Variants in CDH10 observed in about 807,000 individuals in gnomAD.
The protein encoded by CDH10 is cadherin 10.
In CDH10, 30 loss-of-function variants were observed where a neutral mutation model predicts 73.1. The ratio of observed to expected loss-of-function variants is 0.41; its 90% CI spans 0.31 to 0.56. The LOEUF is 0.56. Ranked by LOEUF, CDH10 falls within the 20% of genes least tolerant of loss-of-function variation. The pLI, the probability that CDH10 is intolerant of heterozygous loss-of-function variation, is 0.27. For missense variants in CDH10, 815 were observed against 973.7 expected (o/e 0.84, Z 2.17); for synonymous variants, 345 against 348.2 (o/e 0.99, Z 0.10).
chr5:24,606,697 C>T (rs536069372), intron 1 of CDH10, among the ~76,000 whole-genome samples: 8 of 152,150 alleles, frequency 5.3e-5, no homozygotes, highest in South Asian at 2.1e-4. Context: ...TTACCTTCAT[C>T]GTATTTTTGT....
chr5:24,607,990 T>C (rs534765446), intron 1 of CDH10, among the ~76,000 whole-genome samples: 6 of 152,290 alleles, frequency 3.9e-5, no homozygotes, highest in South Asian at 4.1e-4. Flanking sequence ...TTCCTGACAA[T>C]GTTCAAATCC....
At position 24,502,081 on chromosome 5, in the gene CDH10, G is replaced by A. The variant is rs540776981; in HGVS notation, c.1393+3031C>T. ...ACTACAGGTGCCCGCCACTACGTCC[G>A]GCTCATTTTTTTGTATTTTTTTAGT... On this transcript the variant is annotated intron_variant, in intron 8 of 11. Transcript: ENST00000264463. Among the ~76,000 whole-genome samples the A allele has an allele frequency of 1.7e-3, 227 of 131,446 alleles. 1 individual carries two copies. The highest frequency in any genetic ancestry group is 5.1e-3 in the African/African-American group (208 of 40,940). The allele number at this position is 131,446 out of a possible 152,430, so 86.2% of individuals were successfully genotyped here.
At chr5:24,534,761 A>G (rs2111873896) in intron 5 of CDH10, among the ~76,000 whole-genome samples, 1 of 152,266 alleles carries the variant, frequency 6.6e-6, no homozygotes, top group African/African-American at 2.4e-5. Flanking sequence ...AGAAACAAAC[A>G]TATTTATTGT....
intron 11 of CDH10, among the ~76,000 whole-genome samples, chr5:24,490,519 T>C (rs987871035): frequency 1.3e-5 from 2 of 152,114 alleles, no homozygotes; most frequent in Non-Finnish European, 2.9e-5. Flanking sequence ...TAATGATTTA[T>C]CTACCATAAG....
intron 8 of CDH10, chr5:24,499,506 T>G (rs954608980): frequency 2.6e-5 from 4 of 152,282 alleles, no homozygotes; most frequent in Non-Finnish European, 5.9e-5. Context: ...GCCAACATGG[T>G]GAAACCCTAT....
intron 1 of CDH10, among the ~76,000 whole-genome samples, chr5:24,626,275 T>C (rs1308112864): frequency 6.6e-6 from 1 of 151,992 alleles, no homozygotes; most frequent in Non-Finnish European, 1.5e-5. Flanking sequence ...GATTCATTTT[T>C]TCTCTATATG....
At position 24,593,404 on chromosome 5, in the gene CDH10, C is replaced by A. The variant is rs775375941; in HGVS notation, c.87G>T (p.Thr29=). Residue 29 remains threonine, a synonymous_variant, in exon 2 of 12, where the codon ACG becomes ACT. Transcript: ENST00000264463. Reference sequence around the variant, plus strand: ...TTAAAATTCTTTGCTGTGGCACAGGCGTCCTTCTGAACATTATTTCTGGAG... The same window carrying A: ...TTAAAATTCTTTGCTGTGGCACAGGAGTCCTTCTGAACATTATTTCTGGAG... The part of the protein sequence containing the change: ...FCSPEIMFRR[T]PVPQQRILSS... 3 of 1,612,274 alleles carry A rather than the reference C, an allele frequency of 1.9e-6. No individual in the cohort carries two copies. Among genetic ancestry groups the A allele is most frequent in the Non-Finnish European group, 2.5e-6 (3 of 1,178,524 alleles).
At chr5:24,517,397 T>A (rs1006741194) in intron 5 of CDH10, among the ~76,000 whole-genome samples, 1 of 152,140 alleles carries the variant, frequency 6.6e-6, no homozygotes, top group Non-Finnish European at 1.5e-5. Flanking sequence ...GTCTGAAGAA[T>A]TGAAGGGAAA....
rs1375193930 is a variant in CDH10 at position 24,572,998 on chromosome 5, AT to A, written c.231+20261del. Among the ~76,000 whole-genome samples, 24 of 151,326 alleles carry A rather than the reference AT, an allele frequency of 1.6e-4. 1 individual carries two copies. The highest frequency in any genetic ancestry group is 1.8e-4 in the Non-Finnish European group (12 of 67,826). The stretch of plus-strand genomic sequence containing the variant: ...CAGAACAAAAAGACGTACACAAAAA[AT>A]AAAAAATAAAGATCACCAGAAAATA... On this transcript the variant is annotated intron_variant, in intron 2 of 11. Coordinates refer to ENST00000264463, the MANE Select transcript of CDH10 (RefSeq NM_006727.5).
intron 2 of CDH10, among the ~76,000 whole-genome samples, chr5:24,561,557 A>G (rs1167892423): frequency 2.0e-5 from 3 of 152,126 alleles, no homozygotes; most frequent in Non-Finnish European, 4.4e-5. Context: ...CCCTCCCTGT[A>G]GTAATTCTAC....
chr5:24,571,218 T>C (rs1230747136), intron 2 of CDH10, among the ~76,000 whole-genome samples: 2 of 152,134 alleles, frequency 1.3e-5, no homozygotes, highest in Non-Finnish European at 2.9e-5. Context: ...TTCATATGCT[T>C]CAGTGTATTT....
At chr5:24,515,935 C>A (rs1179125108) in intron 5 of CDH10, among the ~76,000 whole-genome samples, 3 of 152,058 alleles carry the variant, frequency 2.0e-5, no homozygotes. Flanking sequence ...CGCCTGCAGC[C>A]ATGTAAGATG....
chr5:24,511,263 G>A, intron 6 of CDH10, 64 bp downstream of exon 6: 1 of 937,522 alleles, frequency 1.1e-6, no homozygotes, highest in Non-Finnish European at 1.7e-6. Context: ...CATGAGCGAA[G>A]AGTATATAAT....
At chr5:24,640,938 G>T (rs1232022970) in intron 1 of CDH10, among the ~76,000 whole-genome samples, 2 of 151,866 alleles carry the variant, frequency 1.3e-5, no homozygotes, top group Admixed American at 6.6e-5. Context: ...ATTGATAAGA[G>T]AGTTAAGCAA....
chr5:24,606,766 T>C (rs1458825491), intron 1 of CDH10, among the ~76,000 whole-genome samples: 2 of 152,226 alleles, frequency 1.3e-5, no homozygotes, highest in East Asian at 3.8e-4. Context: ...TGTAATTTTA[T>C]GAATTACACA....
intron 1 of CDH10, among the ~76,000 whole-genome samples, chr5:24,623,403 T>A (rs966506538): frequency 6.6e-6 from 1 of 152,176 alleles, no homozygotes; most frequent in African/African-American, 2.4e-5. Context: ...CAGGCCAAAA[T>A]GTGTAAACCG....
At chr5:24,633,255 T>A (rs1444017619) in intron 1 of CDH10, among the ~76,000 whole-genome samples, 1 of 151,806 alleles carries the variant, frequency 6.6e-6, no homozygotes, top group African/African-American at 2.4e-5. Context: ...CTAGTAAAAT[T>A]ACAAGCAGTA....
At position 24,525,196 on chromosome 5, in the gene CDH10, C is replaced by G. The variant is rs1320643373; in HGVS notation, c.814+9916G>C. 1.3e-5 allele frequency among the ~76,000 whole-genome samples: 2 copies of G among 151,980 alleles called. 1 individual carries two copies. Among genetic ancestry groups the G allele is most frequent in the Non-Finnish European group, 2.9e-5 (2 of 67,950 alleles). On this transcript the variant is annotated intron_variant, in intron 5 of 11. Transcript: ENST00000264463. ...TCTAGGTTTTGAGTTTAGCGACAAACAGCTGCTGTTTCTTTTTGTTGATAA... is the reference window on the plus strand; with the variant it reads ...TCTAGGTTTTGAGTTTAGCGACAAAGAGCTGCTGTTTCTTTTTGTTGATAA...
intron 1 of CDH10, among the ~76,000 whole-genome samples, chr5:24,635,738 T>C (rs993690353): frequency 6.6e-5 from 10 of 152,004 alleles, no homozygotes; most frequent in African/African-American, 2.2e-4. Context: ...AGAGAATGAA[T>C]ATATTTATAA....
Sources: gnomAD v4.1 joint callset for allele counts (sites outside exome capture counted in the v4.1 genomes callset) on GRCh38, gnomAD v4.1.1 for gene constraint, MANE v1.5 for transcripts, NCBI Gene and HGNC (gene_info 2026-07-23, HGNC 2026-07-21) for gene names.